The following AANAT variants were observed in gnomAD, a reference collection of about 807,000 sequenced individuals.
The protein encoded by AANAT is serotonin N-acetyltransferase.
Under a neutral mutation model 15.6 loss-of-function variants are expected in AANAT, and 11 were observed. The observed-to-expected ratio is 0.71, with a 90% CI of 0.44 to 1.17. The LOEUF is 1.17. AANAT is among the 50% of genes most tolerant of loss of function. The pLI, the probability that AANAT is intolerant of heterozygous loss-of-function variation, is 0.00. For missense variants in AANAT, 286 were observed against 296.3 expected, an observed-to-expected ratio of 0.97 and a Z score of 0.26; for synonymous variants, 139 against 131.5, an observed-to-expected ratio of 1.06 and a Z score of -0.39.
chr17:76,465,942 C>G (rs1332447973), upstream of AANAT: 2 of 534,850 alleles, frequency 3.7e-6, no homozygotes, highest in Admixed American at 5.6e-5. Flanking sequence ...CTCGACCTCT[C>G]CGGCTCAAGC....
intron 1 of AANAT, among the ~76,000 whole-genome samples, chr17:76,454,763 C>T (rs939730797): frequency 2.0e-5 from 3 of 151,638 alleles, no homozygotes; most frequent in African/African-American, 7.3e-5. Context: ...GCAGAAGTTG[C>T]AGTGAGCCGA....
intron 2 of AANAT, among the ~76,000 whole-genome samples, chr17:76,460,526 C>G (rs1341007232): frequency 6.6e-6 from 1 of 152,100 alleles, no homozygotes; most frequent in Non-Finnish European, 1.5e-5. Context: ...TCTTGAACTC[C>G]TTGGGCTCAA....
At chr17:76,463,140 G>A (rs2073405485), upstream of AANAT, among the ~76,000 whole-genome samples, 1 of 152,162 alleles carries the variant, frequency 6.6e-6, no homozygotes, top group Non-Finnish European at 1.5e-5. Context: ...CAGGCTCGGT[G>A]CCCGGGATGG....
intron 2 of AANAT, 79 bp downstream of exon 2, chr17:76,468,988 T>G (rs1292229134): frequency 3.8e-5 from 57 of 1,519,972 alleles, no homozygotes. Context: ...CTTAGTCTCC[T>G]GTCCTTGGAG....
intron 1 of AANAT, among the ~76,000 whole-genome samples, chr17:76,468,281 G>A (rs991086969): frequency 4.6e-5 from 7 of 152,180 alleles, no homozygotes; most frequent in Non-Finnish European, 1.0e-4. Context: ...TGCATTAGAC[G>A]TGGTCAGTGG....
intron 1 of AANAT, among the ~76,000 whole-genome samples, chr17:76,454,203 G>A (rs1434843848): frequency 2.0e-5 from 3 of 152,162 alleles, no homozygotes; most frequent in Non-Finnish European, 4.4e-5. Context: ...TAGGCCGGGC[G>A]CGGCAGCTCA....
chr17:76,460,101 G>A lies in AANAT; in HGVS notation c.-456+735G>A, dbSNP rs539771258. Among the ~76,000 whole-genome samples, 4 of 139,344 alleles carry A rather than the reference G, an allele frequency of 2.9e-5. No homozygotes were observed. In the South Asian group the frequency reaches 9.3e-4, roughly 32 times the overall value. The allele number at this position is 139,344 out of a possible 152,430, so 91.4% of individuals were successfully genotyped here. A position where few individuals can be genotyped will look rare whatever the true frequency, so the allele number is the denominator to read the frequency against. On this transcript the variant is annotated intron_variant, in intron 2 of 6. Transcript: ENST00000250615. Reference sequence around the variant, plus strand: ...CTGCATCCAGCATGGAGTGCTCTGTGCTCCAGCCTCAGTCACCTACTTCAG... The same window carrying A: ...CTGCATCCAGCATGGAGTGCTCTGTACTCCAGCCTCAGTCACCTACTTCAG...
intron 1 of AANAT, among the ~76,000 whole-genome samples, chr17:76,454,829 C>CA (rs550650448): frequency 3.3e-5 from 5 of 150,010 alleles, no homozygotes; most frequent in South Asian, 2.1e-4. Flanking sequence ...TCTCAAAAAA[C>CA]AAAAAACAAA....
In AANAT at chr17:76,469,258, C is replaced by G; in HGVS notation, c.249C>G (p.Gly83=). Residue 83 remains glycine, a synonymous_variant, in exon 3 of 4, where the codon GGC becomes GGG. Coordinates refer to ENST00000392492, the MANE Select transcript of AANAT (RefSeq NM_001088.3). The surrounding 1 kb of genome is among the most constrained non-coding windows in gnomAD (Gnocchi z 5.2). The part of the protein sequence containing the change: ...FLTLCPELSL[G]WFEEGCLVAF... ...CCCTATGTCCAGAGCTGTCCCTGGGCTGGTTCGAGGAGGGCTGCCTTGTGG... is the reference window on the plus strand; with the variant it reads ...CCCTATGTCCAGAGCTGTCCCTGGGGTGGTTCGAGGAGGGCTGCCTTGTGG... 6.2e-7 allele frequency: 1 copy of G among 1,614,184 alleles called. No homozygotes were observed. Among genetic ancestry groups the G allele is most frequent in the Non-Finnish European group, 8.5e-7 (1 of 1,180,042 alleles).
At position 76,468,684 on chromosome 17, in the gene AANAT, C is replaced by T. The variant is rs1006127999; in HGVS notation, c.-63C>T. On this transcript the variant is annotated 5_prime_UTR_variant, in exon 2 of 4. Transcript: ENST00000392492. ...TGTTCTCCAACAGGTGCTGGGAGGC[C>T]CTCCTTGGCTTAGGAGGACACTTCC... The T allele has an allele frequency of 6.4e-7, 1 of 1,555,936 alleles. No homozygotes were observed. The highest frequency in any genetic ancestry group is 2.4e-5 in the East Asian group (1 of 41,834).
At position 76,468,745 on chromosome 17, in the gene AANAT, G is replaced by C. The variant is rs756673622; in HGVS notation, c.-2G>C. The C allele has an allele frequency of 1.9e-6, 3 of 1,610,584 alleles. No homozygotes were observed. In the South Asian group the frequency reaches 3.3e-5, roughly 18 times the overall value. On this transcript the variant is annotated 5_prime_UTR_variant, in exon 2 of 4. Coordinates refer to ENST00000392492, the MANE Select transcript of AANAT (RefSeq NM_001088.3). ...CGCCCCAAGGAGGCACCAGTGGCCA[G>C]AATGTCCACGCAGAGCACCCACCCC...
chr17:76,453,747 T>A (rs1313756444), exon 1 of AANAT: 1 of 152,268 alleles, frequency 6.6e-6, no homozygotes, highest in East Asian at 1.9e-4. Flanking sequence ...CCCTCAGAAG[T>A]TGACCCAGAA....
At chr17:76,459,411 C>T (rs934033258) in intron 2 of AANAT, 1 of 152,272 alleles carries the variant, frequency 6.6e-6, no homozygotes, top group African/African-American at 2.4e-5. Flanking sequence ...GTTTCTTCTC[C>T]CAGAGTTCTC....
intron 2 of AANAT, among the ~76,000 whole-genome samples, chr17:76,459,643 G>A (rs1022157350): frequency 1.1e-4 from 16 of 152,208 alleles, no homozygotes; most frequent in South Asian, 4.1e-4. Context: ...GAGTCACAGG[G>A]ACCTGGGTTT....
upstream of AANAT, among the ~76,000 whole-genome samples, chr17:76,464,484 C>T (rs1038978036): frequency 2.0e-5 from 3 of 151,990 alleles, no homozygotes; most frequent in East Asian, 1.9e-4. Context: ...TCTGGGAGAT[C>T]GAAAGAGGCC....
chr17:76,468,657 G>A lies in AANAT; in HGVS notation c.-75-15G>A. 1 of 1,535,484 alleles carries A rather than the reference G, an allele frequency of 6.5e-7. No individual in the cohort carries two copies. Among genetic ancestry groups the A allele is most frequent in the Non-Finnish European group, 8.7e-7 (1 of 1,144,406 alleles). On this transcript the variant is annotated splice_polypyrimidine_tract_variant and intron_variant, in intron 1 of 3. Coordinates refer to ENST00000392492, the MANE Select transcript of AANAT (RefSeq NM_001088.3). ...GATGAGGATGAGACCCCTGTCCCTT[G>A]CTGTTCTCCAACAGGTGCTGGGAGG...
chr17:76,456,597 A>C (rs997581598), intron 1 of AANAT, among the ~76,000 whole-genome samples: 25 of 152,196 alleles, frequency 1.6e-4, no homozygotes, highest in Non-Finnish European at 1.5e-5. Context: ...CCAAATGACC[A>C]TCTGGAATCA....
Position 76,469,932 on chromosome 17 carries a change from C to A in AANAT, c.586C>A (p.Arg196=), listed in dbSNP as rs144513919. 2.0e-6 allele frequency: 3 copies of A among 1,537,682 alleles called. No homozygotes were observed. The highest frequency in any genetic ancestry group is 2.6e-6 in the Non-Finnish European group (3 of 1,140,808). The stretch of plus-strand genomic sequence containing the variant: ...CTTCATGGAGCTCCACTGCTCCCTG[C>A]GGGGCCACCCCTTCCTGCGCAGGAA... The part of the protein sequence containing the change: ...LTFMELHCSL[R]GHPFLRRNSG... The change falls in exon 4 of 4, where the codon CGG becomes AGG. Residue 196 remains arginine (R), a synonymous_variant. Coordinates refer to ENST00000392492, the MANE Select transcript of AANAT (RefSeq NM_001088.3). The surrounding 1 kb of genome is among the most constrained non-coding windows in gnomAD (Gnocchi z 5.2).
chr17:76,456,347 A>T (rs2073343387), intron 1 of AANAT, among the ~76,000 whole-genome samples: 1 of 152,034 alleles, frequency 6.6e-6, no homozygotes, highest in Non-Finnish European at 1.5e-5. Context: ...AAAAAAAAAA[A>T]AAAAGAACAT....
Sources: allele counts gnomAD v4.1 joint callset (sites outside exome capture counted in the v4.1 genomes callset), GRCh38; gene constraint gnomAD v4.1.1; non-coding constraint Gnocchi (gnomAD v3.1); transcripts MANE v1.5; gene names NCBI Gene and HGNC (gene_info 2026-07-23, HGNC 2026-07-21).